The following HTR2A variants were observed in gnomAD, a reference collection of about 807,000 sequenced individuals.
The protein encoded by HTR2A is 5-HT2 receptor.
In HTR2A, 14 loss-of-function variants were observed where a neutral mutation model predicts 31.0. The observed-to-expected ratio is 0.45, with a 90% CI of 0.30 to 0.71. HTR2A has a LOEUF of 0.71. HTR2A is among the 30% of genes least tolerant of loss of function. HTR2A has a pLI of 0.09. For synonymous variants in HTR2A, 209 were observed against 225.2 expected (o/e 0.93, Z 0.64); for missense variants, 442 against 573.3 (o/e 0.77, Z 2.34).
At chr13:46,850,907 T>C (rs1250186144) in intron 3 of HTR2A, among the ~76,000 whole-genome samples, 1 of 152,224 alleles carries the variant, frequency 6.6e-6, no homozygotes, top group African/African-American at 2.4e-5. Flanking sequence ...GCTTATTTTC[T>C]TTCCATGGTT....
chr13:46,887,292 G>A (rs556657956), intron 3 of HTR2A, among the ~76,000 whole-genome samples: 52 of 151,822 alleles, frequency 3.4e-4, no homozygotes, highest in Non-Finnish European at 4.6e-4. Context: ...GTGTGGTGGC[G>A]GGCGCCTGTA....
intron 3 of HTR2A, among the ~76,000 whole-genome samples, chr13:46,845,643 CAAAAAAAAA>C (rs11394720): frequency 1.8e-5 from 2 of 112,984 alleles, no homozygotes; most frequent in South Asian, 6.0e-4. Flanking sequence ...TTCATCACTC[CAAAAAAAAA>C]AAAAAAAAGA....
At position 46,896,807 on chromosome 13, in the gene HTR2A, C is replaced by A; in HGVS notation, c.-462G>T. 6.5e-7 allele frequency: 1 copy of A among 1,537,082 alleles called. No individual in the cohort carries two copies. The highest frequency in any genetic ancestry group is 8.7e-7 in the Non-Finnish European group (1 of 1,146,858). ...GCATAATATGATAGTAATTTGGTTTCTGTTTTGCTGACTTCAAAAACTGCA... is the reference window on the plus strand; with the variant it reads ...GCATAATATGATAGTAATTTGGTTTATGTTTTGCTGACTTCAAAAACTGCA... On this transcript the variant is annotated 5_prime_UTR_variant, in exon 1 of 4. An upstream open reading frame in the 5' UTR gains an earlier in-frame stop. Coordinates refer to ENST00000542664, the MANE Select transcript of HTR2A (RefSeq NM_000621.5).
chr13:46,844,566 G>A (rs1479873346), intron 3 of HTR2A, among the ~76,000 whole-genome samples: 1 of 152,180 alleles, frequency 6.6e-6, no homozygotes, highest in Non-Finnish European at 1.5e-5. Flanking sequence ...TGTAGAACAT[G>A]GTGCCTAGTG....
intron 3 of HTR2A, among the ~76,000 whole-genome samples, chr13:46,851,315 A>G (rs1950683212): frequency 6.6e-6 from 1 of 152,142 alleles, no homozygotes; most frequent in Admixed American, 6.5e-5. Flanking sequence ...CTAATCAGCC[A>G]AATAGTTTAT....
chr13:46,879,018 A>G (rs777625103), intron 3 of HTR2A, among the ~76,000 whole-genome samples: 11 of 152,364 alleles, frequency 7.2e-5, no homozygotes, highest in Non-Finnish European at 1.0e-4. Flanking sequence ...AAAAACAAAT[A>G]TAAGAAACTG....
chr13:46,832,623 A>G lies in HTR2A; in HGVS notation c.*2214T>C, dbSNP rs748620067. Reference sequence around the variant, plus strand: ...GAGACATTTTAACATTTATATTTTCATCAGTTAGTATGGTATATCATAAGG... The same window carrying G: ...GAGACATTTTAACATTTATATTTTCGTCAGTTAGTATGGTATATCATAAGG... On this transcript the variant is annotated 3_prime_UTR_variant, in exon 4 of 4. Coordinates refer to ENST00000542664, the MANE Select transcript of HTR2A (RefSeq NM_000621.5). The G allele has an allele frequency of 6.6e-6, 1 of 152,184 alleles. No homozygotes were observed. Among genetic ancestry groups the G allele is most frequent in the Non-Finnish European group, 1.5e-5 (1 of 68,020 alleles). The allele number at this position is 152,184 out of a possible 1,614,324, so 9.4% of individuals were successfully genotyped here. A position where few individuals can be genotyped will look rare whatever the true frequency, so the allele number is the denominator to read the frequency against.
intron 3 of HTR2A, among the ~76,000 whole-genome samples, chr13:46,860,172 G>A (rs1190036135): frequency 6.6e-6 from 1 of 152,182 alleles, no homozygotes; most frequent in Non-Finnish European, 1.5e-5. Context: ...TGGTGCTGAG[G>A]ACTGTGTGTG....
chr13:46,890,476 A>G (rs1170256352), intron 3 of HTR2A, among the ~76,000 whole-genome samples: 1 of 152,216 alleles, frequency 6.6e-6, no homozygotes. Context: ...TGGAAAGAGC[A>G]TGGGCTTTGG....
At position 46,864,903 on chromosome 13, in the gene HTR2A, A is replaced by G. The variant is rs182349630; in HGVS notation, c.613+27487T>C. ...CATATTCTAGTTTAGCGTTTATTCA[A>G]TAATAAAGCTGCTTTCTTTCTCTAC... On this transcript the variant is annotated intron_variant, in intron 3 of 3. Coordinates refer to ENST00000542664, the MANE Select transcript of HTR2A (RefSeq NM_000621.5). Among the ~76,000 whole-genome samples the G allele has an allele frequency of 7.8e-4, 119 of 152,068 alleles. 1 individual carries two copies. Among genetic ancestry groups the G allele is most frequent in the Admixed American group, 1.3e-3 (20 of 15,246 alleles).
At position 46,879,008 on chromosome 13, in the gene HTR2A, A is replaced by G. The variant is rs952132335; in HGVS notation, c.613+13382T>C. Among the ~76,000 whole-genome samples the G allele has an allele frequency of 2.6e-5, 4 of 152,250 alleles. No homozygotes were observed. The East Asian group carries it at 5.8e-4, about 22-fold the overall frequency. On this transcript the variant is annotated intron_variant, in intron 3 of 3. Transcript: ENST00000542664. ...GGGAAACAGAACTTGAAGAAAGGAC[A>G]AAAACAAATATAAGAAACTGCAGCA... is the stretch of plus-strand genomic sequence containing the variant.
chr13:46,891,477 T>G (rs1951052002), intron 3 of HTR2A, among the ~76,000 whole-genome samples: 1 of 152,196 alleles, frequency 6.6e-6, no homozygotes, highest in Non-Finnish European at 1.5e-5. Context: ...AGATATAGTA[T>G]TATTGTGTTG....
intron 3 of HTR2A, among the ~76,000 whole-genome samples, chr13:46,868,213 C>G (rs1455533503): frequency 6.6e-6 from 1 of 152,192 alleles, no homozygotes; most frequent in South Asian, 2.1e-4. Flanking sequence ...TCTGAAAGCT[C>G]AGCATCCCTG....
chr13:46,851,865 T>C (rs1385649144), intron 3 of HTR2A, among the ~76,000 whole-genome samples: 1 of 152,230 alleles, frequency 6.6e-6, no homozygotes, highest in Non-Finnish European at 1.5e-5. Flanking sequence ...TTGTGTTATA[T>C]GGCAAGGATA....
chr13:46,845,323 G>C (rs896536844), intron 3 of HTR2A, among the ~76,000 whole-genome samples: 4 of 152,130 alleles, frequency 2.6e-5, no homozygotes, highest in African/African-American at 9.7e-5. Context: ...TCTGGACAGG[G>C]ATGAGGCAAG....
At chr13:46,876,385 CAT>C (rs1213510951) in intron 3 of HTR2A, among the ~76,000 whole-genome samples, 2,846 of 94,072 alleles carry the variant, frequency 0.03, 85 homozygotes, top group South Asian at 0.07. Flanking sequence ...TATTTTGATT[CAT>C]ATATATATAT....
chr13:46,857,297 TAA>T (rs34073547), intron 3 of HTR2A, among the ~76,000 whole-genome samples: 30 of 133,446 alleles, frequency 2.2e-4, no homozygotes, highest in Admixed American at 5.3e-4. Flanking sequence ...GACTCCATCT[TAA>T]AAAAAAAAAA....
At chr13:46,868,987 C>T (rs1950842785) in intron 3 of HTR2A, among the ~76,000 whole-genome samples, 1 of 151,944 alleles carries the variant, frequency 6.6e-6, no homozygotes, top group Non-Finnish European at 1.5e-5. Context: ...TTTACAGAAT[C>T]TGAAGAGACT....
At chr13:46,867,822 T>G (rs1950830139) in intron 3 of HTR2A, among the ~76,000 whole-genome samples, 1 of 152,270 alleles carries the variant, frequency 6.6e-6, no homozygotes. Flanking sequence ...AAGAGTCTCA[T>G]GTCTTGCAGC....
Sources: allele counts gnomAD v4.1 joint callset (sites outside exome capture counted in the v4.1 genomes callset), GRCh38; gene constraint gnomAD v4.1.1; transcripts MANE v1.5; gene names NCBI Gene and HGNC (gene_info 2026-07-23, HGNC 2026-07-21).